The following INTS8 variants were observed in gnomAD, a reference collection of about 807,000 sequenced individuals.
INTS8 encodes protein kaonashi-1.
A neutral mutation model predicts 138.9 loss-of-function variants in INTS8; 47 were observed. The observed-to-expected ratio is 0.34, with a 90% CI of 0.27 to 0.43. INTS8 has a LOEUF of 0.43. Among genes scored for constraint, INTS8 ranks in the 20% least tolerant of loss-of-function variants. The pLI is 1.00. For missense variants in INTS8, 996 were observed against 1,173.0 expected, an observed-to-expected ratio of 0.85 and a Z score of 2.20; for synonymous variants, 392 against 400.9, an observed-to-expected ratio of 0.98 and a Z score of 0.27.
chr8:94,825,150 G>C, intron 2 of INTS8, 83 bp downstream of exon 2: 1 of 1,018,966 alleles, frequency 9.8e-7, no homozygotes, highest in Non-Finnish European at 1.5e-6. Context: ...TATGATATCG[G>C]CTCTTAAAAA....
intron 15 of INTS8, among the ~76,000 whole-genome samples, chr8:94,858,813 T>C (rs188245977): frequency 6.6e-6 from 1 of 152,336 alleles, no homozygotes; most frequent in East Asian, 1.9e-4. Context: ...ATTAGTCTCT[T>C]TGTGCTACCT....
chr8:94,838,087 C>T (rs1399618430), intron 7 of INTS8, among the ~76,000 whole-genome samples: 1 of 150,012 alleles, frequency 6.7e-6, no homozygotes. Context: ...CGCTTTGTCA[C>T]CCAGGCTGGA....
At chr8:94,856,417 A>G (rs80240657) in intron 14 of INTS8, among the ~76,000 whole-genome samples, 7,309 of 152,272 alleles carry the variant, frequency 0.048, 233 homozygotes, top group Middle Eastern at 0.065. Context: ...TGGAATGTGT[A>G]ACCCTTGAAT....
intron 10 of INTS8, among the ~76,000 whole-genome samples, chr8:94,844,030 T>TC (rs1815237717): frequency 6.6e-6 from 1 of 151,218 alleles, no homozygotes; most frequent in Non-Finnish European, 1.5e-5. Flanking sequence ...GTTCTGCTTT[T>TC]TTTTTTTTAT....
Position 94,832,138 on chromosome 8 carries a change from T to C in INTS8, c.717T>C (p.Ala239=). The C allele has an allele frequency of 6.2e-7, 1 of 1,613,034 alleles. No homozygotes were observed. Among genetic ancestry groups the C allele is most frequent in the Non-Finnish European group, 8.5e-7 (1 of 1,179,780 alleles). Residue 239 remains alanine (A), a synonymous_variant, in exon 6 of 27, where the codon GCT becomes GCC. Transcript: ENST00000523731. ...ATGGAGAAACTGAGAGTTCTACTGC[T>C]GGATTGAAAGTCAAAACCGAAGAAA... is the stretch of plus-strand genomic sequence containing the variant. ...MVNGETESST[A]GLKVKTEEMQ... is the part of the protein sequence containing the mutation.
chr8:94,878,637 T>C (rs1816658192), intron 26 of INTS8, among the ~76,000 whole-genome samples: 1 of 152,208 alleles, frequency 6.6e-6, no homozygotes, highest in Non-Finnish European at 1.5e-5. Flanking sequence ...CTATAAAATA[T>C]TTCATCCTAA....
intron 26 of INTS8, among the ~76,000 whole-genome samples, chr8:94,878,784 G>A (rs1298405073): frequency 1.3e-5 from 2 of 152,224 alleles, no homozygotes; most frequent in Non-Finnish European, 2.9e-5. Flanking sequence ...CCAAATGCCA[G>A]ATCCAGTGGA....
chr8:94,831,896 C>A, intron 5 of INTS8, 96 bp from the exon 6 acceptor site: 1 of 920,292 alleles, frequency 1.1e-6, no homozygotes, highest in Non-Finnish European at 1.6e-6. Context: ...TTTTTAATAG[C>A]TTAGTGTACT....
Position 94,853,768 on chromosome 8 carries a change from T to C in INTS8, c.1642-37T>C, listed in dbSNP as rs780932850. The C allele has an allele frequency of 4.3e-6, 5 of 1,170,700 alleles. No individual in the cohort carries two copies. The Admixed American group carries it at 8.6e-5, about 20-fold the overall frequency. The allele number at this position is 1,170,700 out of a possible 1,614,324, so 72.5% of individuals were successfully genotyped here. A position where few individuals can be genotyped will look rare whatever the true frequency, so the allele number is the denominator to read the frequency against. On this transcript the variant is annotated intron_variant, in intron 13 of 26. Transcript: ENST00000523731. ...TCTTATCTAGATTTGGCTTCCTCTA[T>C]GTGTGCATATATATATGTATTTTTT... is the stretch of plus-strand genomic sequence containing the variant.
At chr8:94,837,272 A>C (rs7012518) in intron 7 of INTS8, among the ~76,000 whole-genome samples, 4 of 152,140 alleles carry the variant, frequency 2.6e-5, no homozygotes, top group Admixed American at 1.3e-4. Context: ...AAACATTTTT[A>C]CTGTGTTTAT....
At chr8:94,850,664 C>G (rs1815507271) in intron 12 of INTS8, among the ~76,000 whole-genome samples, 1 of 149,232 alleles carries the variant, frequency 6.7e-6, no homozygotes, top group South Asian at 2.1e-4. Flanking sequence ...CAAGGTAACA[C>G]TGCTGCCAGT....
rs927613303 is a variant in INTS8 at position 94,881,520 on chromosome 8, A to C, written c.*1286A>C. 6 of 997,066 alleles carry C rather than the reference A, an allele frequency of 6.0e-6. No homozygotes were observed. The highest frequency in any genetic ancestry group is 5.3e-5 in the Admixed American group (2 of 37,690). The allele number at this position is 997,066 out of a possible 1,614,324, so 61.8% of individuals were successfully genotyped here. ...ATCAGAATGGCAGTGTAACTTGTGAATTGGCTAGGGCAATCAATCACAGCA... is the reference window on the plus strand; with the variant it reads ...ATCAGAATGGCAGTGTAACTTGTGACTTGGCTAGGGCAATCAATCACAGCA... On this transcript the variant is annotated 3_prime_UTR_variant, in exon 27 of 27. Coordinates refer to ENST00000523731, the MANE Select transcript of INTS8 (RefSeq NM_017864.4).
Position 94,827,296 on chromosome 8 carries a change from T to C in INTS8, c.339T>C (p.Asn113=). The change falls in exon 3 of 27, where the codon AAT becomes AAC. Residue 113 remains asparagine, a synonymous_variant. Coordinates refer to ENST00000523731, the MANE Select transcript of INTS8 (RefSeq NM_017864.4). ...LSVPVLNMLL[N]ELLCISKVPP... is the part of the protein sequence containing the mutation. Reference sequence around the variant, plus strand: ...TTCCAGTATTGAATATGCTACTAAATGAACTACTCTGCATCAGTAAAGTTC... The same window carrying C: ...TTCCAGTATTGAATATGCTACTAAACGAACTACTCTGCATCAGTAAAGTTC... 6.2e-7 allele frequency: 1 copy of C among 1,613,520 alleles called. No individual in the cohort carries two copies. Among genetic ancestry groups the C allele is most frequent in the Non-Finnish European group, 8.5e-7 (1 of 1,179,388 alleles).
intron 5 of INTS8, among the ~76,000 whole-genome samples, chr8:94,831,009 G>A (rs1329867470): frequency 6.6e-6 from 1 of 152,118 alleles, no homozygotes; most frequent in Admixed American, 6.5e-5. Flanking sequence ...TGTTGGTCAG[G>A]CTGGTCTTGA....
At chr8:94,827,140 G>A in intron 2 of INTS8, 123 bp from the exon 3 acceptor site, 1 of 862,068 alleles carries the variant, frequency 1.2e-6, no homozygotes, top group Non-Finnish European at 1.8e-6. Flanking sequence ...ACATTTGATA[G>A]CTAAACCCAG....
chr8:94,861,219 G>A (rs933332466), intron 16 of INTS8, among the ~76,000 whole-genome samples: 10 of 138,530 alleles, frequency 7.2e-5, no homozygotes, highest in African/African-American at 2.4e-4. Context: ...GATTTATTGA[G>A]TTTATTGATT....
chr8:94,845,605 G>A (rs1815304325), intron 10 of INTS8, among the ~76,000 whole-genome samples: 3 of 152,176 alleles, frequency 2.0e-5, no homozygotes, highest in Non-Finnish European at 2.9e-5. Context: ...TGGGACTACA[G>A]GCACGCGCCA....
At chr8:94,860,594 A>C (rs1225380785) in intron 16 of INTS8, among the ~76,000 whole-genome samples, 7 of 150,410 alleles carry the variant, frequency 4.7e-5, no homozygotes, top group East Asian at 1.9e-4. Context: ...AAAAAAAAAA[A>C]AAAAAAAAAA....
At position 94,840,008 on chromosome 8, in the gene INTS8, A is replaced by G. The variant is rs73697042; in HGVS notation, c.1017+1390A>G. On this transcript the variant is annotated intron_variant, in intron 8 of 26. Transcript: ENST00000523731. ...AAGTACATGTTACTGTGACTGTAATAAAGTTCCACAAAAATCAGAAAATAG... is the reference window on the plus strand; with the variant it reads ...AAGTACATGTTACTGTGACTGTAATGAAGTTCCACAAAAATCAGAAAATAG... Among the ~76,000 whole-genome samples the G allele has an allele frequency of 2.6e-3, 393 of 152,376 alleles. 3 individuals carry two copies. The highest frequency in any genetic ancestry group is 8.2e-3 in the African/African-American group (342 of 41,588).
Sources: gnomAD v4.1 joint callset for allele counts (sites outside exome capture counted in the v4.1 genomes callset) on GRCh38, gnomAD v4.1.1 for gene constraint, MANE v1.5 for transcripts, NCBI Gene and HGNC (gene_info 2026-07-23, HGNC 2026-07-21) for gene names.